CD2AP: variants seen among roughly 807,000 people sequenced by gnomAD.
CD2AP encodes CD2 associated protein.
CD2AP carries 46 observed loss-of-function variants against 85.1 expected under a neutral mutation model. The observed-to-expected ratio is 0.54, with a 90% CI of 0.43 to 0.69. The LOEUF (loss-of-function observed/expected upper bound fraction) is 0.69, where lower values mean the gene tolerates loss of function less well. CD2AP is among the 30% of genes least tolerant of loss of function. The probability of loss-of-function intolerance (pLI) is 0.00; values close to 1 mark genes in which losing one functional copy is unlikely to be tolerated. For synonymous variants in CD2AP, 255 were observed against 252.9 expected (o/e 1.01, Z -0.08); for missense variants, 769 against 729.5 (o/e 1.05, Z -0.62).
At chr6:47,557,923 G>A (rs929306278) in intron 5 of CD2AP, among the ~76,000 whole-genome samples, 5 of 152,114 alleles carry the variant, frequency 3.3e-5, no homozygotes, top group Non-Finnish European at 7.4e-5. Flanking sequence ...GGGCAGTATG[G>A]CCATTTTCAT....
chr6:47,620,815 A>G (rs1024057823), intron 17 of CD2AP, among the ~76,000 whole-genome samples: 3 of 152,112 alleles, frequency 2.0e-5, no homozygotes, highest in African/African-American at 7.2e-5. Flanking sequence ...CAGATACTGT[A>G]AAAGGGGTTG....
chr6:47,556,424 T>G (rs1399438683), intron 5 of CD2AP, among the ~76,000 whole-genome samples: 1 of 152,076 alleles, frequency 6.6e-6, no homozygotes, highest in African/African-American at 2.4e-5. Flanking sequence ...GAGACAAAGT[T>G]TAACTCTTGT....
At chr6:47,594,065 G>A (rs770319224) in intron 11 of CD2AP, among the ~76,000 whole-genome samples, 7 of 152,090 alleles carry the variant, frequency 4.6e-5, no homozygotes, top group Non-Finnish European at 8.8e-5. Context: ...GATTCCATGT[G>A]TATGAAGTAT....
Position 47,544,711 on chromosome 6 carries a change from G to A in CD2AP, c.420+5G>A, listed in dbSNP as rs1189407976. On this transcript the variant is annotated splice_donor_5th_base_variant and intron_variant, in intron 4 of 17. Transcript: ENST00000359314. ...ATTATTGATATTAATGAAGAGGTAA[G>A]GAAAAAATGTGTTACAGGTAAAACA... is the stretch of plus-strand genomic sequence containing the variant. The A allele has an allele frequency of 6.5e-7, 1 of 1,537,332 alleles. No individual in the cohort carries two copies. The highest frequency in any genetic ancestry group is 9.0e-7 in the Non-Finnish European group (1 of 1,111,044).
chr6:47,563,199 T>G (rs1767906880), intron 5 of CD2AP, among the ~76,000 whole-genome samples: 1 of 152,212 alleles, frequency 6.6e-6, no homozygotes, highest in Non-Finnish European at 1.5e-5. Flanking sequence ...GTAATCCCTA[T>G]GTAGTCCAGA....
chr6:47,579,333 T>TGAAA, intron 8 of CD2AP, 52 bp from the exon 9 acceptor site: 1 of 528,640 alleles, frequency 1.9e-6, no homozygotes. Flanking sequence ...ACACTTTATC[T>TGAAA]TAAAAAAAAA....
chr6:47,515,143 A>G (rs541182120), intron 2 of CD2AP, among the ~76,000 whole-genome samples: 2 of 152,166 alleles, frequency 1.3e-5, no homozygotes, highest in Non-Finnish European at 2.9e-5. Flanking sequence ...AAGGTATTAG[A>G]TAATTTATGA....
chr6:47,554,589 G>T (rs1366123616), intron 4 of CD2AP, 57 bp from the exon 5 acceptor site: 2 of 1,602,416 alleles, frequency 1.2e-6, no homozygotes, highest in East Asian at 2.2e-5. Flanking sequence ...TTCCCATAGG[G>T]TGACGATTTT....
rs74699987 is a variant in CD2AP, at chr6:47,515,815, A to G, written c.165+12375A>G. Among the ~76,000 whole-genome samples, 632 of 152,284 alleles carry G rather than the reference A, an allele frequency of 4.2e-3. 2 individuals carry two copies. The highest frequency in any genetic ancestry group is 0.014 in the African/African-American group (577 of 41,550). Reference sequence around the variant, plus strand: ...CCTGGAAAAGGAAAAAAAAAATCAAACTGTTTCTCAAATTGCAATTTGATG... The same window carrying G: ...CCTGGAAAAGGAAAAAAAAAATCAAGCTGTTTCTCAAATTGCAATTTGATG... On this transcript the variant is annotated intron_variant, in intron 2 of 17. Transcript: ENST00000359314.
chr6:47,624,164 C>A, intron 17 of CD2AP, 22 bp from the exon 18 acceptor site: 1 of 1,584,944 alleles, frequency 6.3e-7, no homozygotes, highest in South Asian at 1.1e-5. Context: ...TATGTTTGCT[C>A]AATTTATGTT....
chr6:47,497,427 T>A (rs961061494), intron 1 of CD2AP, among the ~76,000 whole-genome samples: 44 of 151,304 alleles, frequency 2.9e-4, no homozygotes, highest in African/African-American at 9.7e-4. Flanking sequence ...CCTGTCTTGA[T>A]CTGTTGCCCA....
chr6:47,597,617 A>T (rs1258311598), intron 12 of CD2AP, among the ~76,000 whole-genome samples: 1 of 150,848 alleles, frequency 6.6e-6, no homozygotes, highest in African/African-American at 2.4e-5. Flanking sequence ...TTGACTTGAG[A>T]TTAGAAGTCA....
intron 3 of CD2AP, among the ~76,000 whole-genome samples, chr6:47,539,235 G>A (rs934117812): frequency 7.9e-5 from 12 of 152,128 alleles, no homozygotes; most frequent in Non-Finnish European, 1.6e-4. Context: ...CAGTTATTCT[G>A]GTGTTTTATA....
chr6:47,478,694 T>A (rs1256681958), intron 1 of CD2AP, among the ~76,000 whole-genome samples: 1 of 152,112 alleles, frequency 6.6e-6, no homozygotes, highest in Non-Finnish European at 1.5e-5. Context: ...TTTGAATACG[T>A]TTAAGGAGAG....
chr6:47,478,285 C>A, intron 1 of CD2AP, 37 bp downstream of exon 1: 1 of 1,565,190 alleles, frequency 6.4e-7, no homozygotes, highest in Non-Finnish European at 8.7e-7. Context: ...CCCGTCCGGA[C>A]CTTCCAGACC....
intron 16 of CD2AP, among the ~76,000 whole-genome samples, chr6:47,610,971 ATTT>A (rs11331165): frequency 2.3e-4 from 26 of 112,844 alleles, no homozygotes; most frequent in East Asian, 4.8e-4. Context: ...ATATATATGT[ATTT>A]TTTTTTTTTT....
chr6:47,496,309 G>A (rs925503926), intron 1 of CD2AP, among the ~76,000 whole-genome samples: 2 of 152,032 alleles, frequency 1.3e-5, no homozygotes, highest in Non-Finnish European at 2.9e-5. Flanking sequence ...GGCTCCCATC[G>A]TTGTTGCTAA....
At position 47,623,288 on chromosome 6, in the gene CD2AP, G is replaced by GT. The variant is rs1189980379; in HGVS notation, c.1879-895dup. 6.6e-5 allele frequency among the ~76,000 whole-genome samples: 10 copies of GT among 152,200 alleles called. No individual in the cohort carries two copies. The South Asian group carries it at 8.3e-4, about 13-fold the overall frequency. On this transcript the variant is annotated intron_variant, in intron 17 of 17. Transcript: ENST00000359314. The stretch of plus-strand genomic sequence containing the variant: ...GTCGAAGCTAGCCAAAGCATGTATT[G>GT]TTTATGTGCACTCTTGAGGAAGGTG...
chr6:47,560,802 A>T (rs1342169437), intron 5 of CD2AP, among the ~76,000 whole-genome samples: 1 of 152,160 alleles, frequency 6.6e-6, no homozygotes, highest in Non-Finnish European at 1.5e-5. Context: ...CTTTGAGACT[A>T]TGTAAATATG....
Sources: allele counts gnomAD v4.1 joint callset (sites outside exome capture counted in the v4.1 genomes callset), GRCh38; gene constraint gnomAD v4.1.1; transcripts MANE v1.5; gene names NCBI Gene and HGNC (gene_info 2026-07-23, HGNC 2026-07-21).